LEMD3: variants seen among roughly 807,000 people sequenced by gnomAD.
LEMD3 encodes the protein LEM domain containing 3.
LEMD3 carries 33 observed loss-of-function variants against 95.2 expected under a neutral mutation model. The ratio of observed to expected loss-of-function variants is 0.35; its 90% confidence interval spans 0.26 to 0.46. LEMD3 has a LOEUF of 0.46. LEMD3 is among the 20% of genes least tolerant of loss of function. LEMD3 has a pLI of 1.00. For missense variants in LEMD3, 1,210 were observed against 1,192.8 expected (o/e 1.01, Z -0.21); for synonymous variants, 525 against 474.6 (o/e 1.11, Z -1.38).
At chr12:65,172,996 C>T (rs1266048339) in intron 1 of LEMD3, among the ~76,000 whole-genome samples, 1 of 152,094 alleles carries the variant, frequency 6.6e-6, no homozygotes, top group Non-Finnish European at 1.5e-5. Flanking sequence ...TCTAATCTTC[C>T]CAGCAACTCA....
intron 1 of LEMD3, among the ~76,000 whole-genome samples, chr12:65,185,500 G>T (rs905585775): frequency 6.6e-6 from 1 of 151,930 alleles, no homozygotes; most frequent in Non-Finnish European, 1.5e-5. Context: ...CAATACTGCT[G>T]TGATTAAAAT....
chr12:65,240,160 C>G lies in LEMD3; in HGVS notation c.2048C>G (p.Ala683Gly). 5 of 1,613,394 alleles carry G rather than the reference C, an allele frequency of 3.1e-6. No individual in the cohort carries two copies. Among genetic ancestry groups the G allele is most frequent in the Non-Finnish European group, 4.2e-6 (5 of 1,179,500 alleles). ...IIDVLRSHNEACQENKDLQPY... is the reference protein window; with the variant it reads ...IIDVLRSHNEGCQENKDLQPY... ...GATGTTTTACGAAGTCATAATGAAG[C>G]CTGCCAGGAAAACAAAGATTTACAA... The change falls in exon 8 of 13, where the codon GCC becomes GGC. Residue 683 changes from alanine (A) to glycine (G), a missense_variant. Ala to Gly is a moderately conservative substitution (Grantham distance 60). Coordinates refer to ENST00000308330, the MANE Select transcript of LEMD3 (RefSeq NM_014319.5).
At chr12:65,207,699 A>G (rs1292419390) in intron 1 of LEMD3, among the ~76,000 whole-genome samples, 1 of 152,198 alleles carries the variant, frequency 6.6e-6, no homozygotes, top group Non-Finnish European at 1.5e-5. Context: ...GTAGGAAAGC[A>G]TCCTGAATAT....
chr12:65,194,002 G>T (rs994677361), intron 1 of LEMD3, among the ~76,000 whole-genome samples: 3 of 152,256 alleles, frequency 2.0e-5, no homozygotes, highest in Non-Finnish European at 2.9e-5. Flanking sequence ...TAACTCAGAA[G>T]ACACAGCTGT....
chr12:65,177,430 G>A (rs1868757376), intron 1 of LEMD3, among the ~76,000 whole-genome samples: 1 of 152,200 alleles, frequency 6.6e-6, no homozygotes, highest in South Asian at 2.1e-4. Flanking sequence ...ATGACTGAGA[G>A]AATGATAATA....
chr12:65,224,595 TGTAAA>T (rs1279141453), intron 4 of LEMD3, among the ~76,000 whole-genome samples: 3 of 152,158 alleles, frequency 2.0e-5, no homozygotes, highest in African/African-American at 4.8e-5. Context: ...TCTCCTGCTT[TGTAAA>T]GTATTTTGGG....
rs1171389145 is a variant in LEMD3, at chr12:65,231,016, CTTGAG to C, written c.1696-7483_1696-7479del. ...TGTAGCCTTTAGAAGATTTTTTTAT[CTTGAG>C]TTATTTTATGTTTCATATTCGGTTT... is the stretch of plus-strand genomic sequence containing the variant. On this transcript the variant is annotated intron_variant, in intron 4 of 12. Coordinates refer to ENST00000308330, the MANE Select transcript of LEMD3 (RefSeq NM_014319.5). 2.6e-5 allele frequency among the ~76,000 whole-genome samples: 4 copies of C among 151,872 alleles called. No individual in the cohort carries two copies. The East Asian group carries it at 7.7e-4, about 29-fold the overall frequency.
intron 1 of LEMD3, among the ~76,000 whole-genome samples, chr12:65,192,339 A>G (rs567085039): frequency 6.6e-5 from 10 of 152,118 alleles, no homozygotes; most frequent in Non-Finnish European, 1.3e-4. Context: ...CTACATGTCT[A>G]CAGTTTTCTC....
In LEMD3 at chr12:65,170,430, C is replaced by T. The variant is rs200222837; in HGVS notation, c.834C>T (p.Asp278=). The part of the protein sequence containing the change: ...DVASSRQVLK[D]DSLSRHRPRR... ...CCTCCAGCAGACAGGTATTAAAGGA[C>T]GACTCCCTTTCCCGGCATCGGCCCA... The change falls in exon 1 of 13, where the codon GAC becomes GAT. Residue 278 remains aspartate (D), a synonymous_variant. Coordinates refer to ENST00000308330, the MANE Select transcript of LEMD3 (RefSeq NM_014319.5). 9.3e-6 allele frequency: 15 copies of T among 1,613,984 alleles called. No individual in the cohort carries two copies. In the East Asian group the frequency reaches 2.9e-4, roughly 31 times the overall value.
At chr12:65,210,873 G>C (rs913655347) in intron 1 of LEMD3, 53 bp from the exon 2 acceptor site, 18 of 1,333,198 alleles carry the variant, frequency 1.4e-5, no homozygotes, top group Non-Finnish European at 1.8e-5. Flanking sequence ...TTGTTTGGGG[G>C]ATTTTAATTC....
intron 8 of LEMD3, chr12:65,240,624 T>C: frequency 2.3e-6 from 1 of 432,884 alleles, no homozygotes; most frequent in Non-Finnish European, 4.1e-6. Context: ...ATGCAACTTT[T>C]TGAAAATAAA....
chr12:65,238,699 G>A lies in LEMD3; in HGVS notation c.1806G>A (p.Leu602=). The change falls in exon 6 of 13, where the codon TTG becomes TTA. Residue 602 remains leucine, a synonymous_variant. Coordinates refer to ENST00000308330, the MANE Select transcript of LEMD3 (RefSeq NM_014319.5). ...RCVGFGPEEE[L]TNITDVQFLQ... ...TTGGTTTTGGCCCTGAGGAAGAATT[G>A]ACAAATATAACTGATGTGCAGTTTT... 6.2e-7 allele frequency: 1 copy of A among 1,614,062 alleles called. No homozygotes were observed. The highest frequency in any genetic ancestry group is 8.5e-7 in the Non-Finnish European group (1 of 1,179,972).
At chr12:65,208,254 G>A (rs1869824613) in intron 1 of LEMD3, among the ~76,000 whole-genome samples, 1 of 152,118 alleles carries the variant, frequency 6.6e-6, no homozygotes. Context: ...TGGGAGTGTA[G>A]GGTTAAAGGA....
intron 4 of LEMD3, among the ~76,000 whole-genome samples, chr12:65,220,485 G>A (rs1371296981): frequency 6.6e-6 from 1 of 151,962 alleles, no homozygotes; most frequent in Non-Finnish European, 1.5e-5. Context: ...TCAGATATAT[G>A]GTTTGCAAAT....
In LEMD3 at chr12:65,199,344, ATATTT is replaced by A. The variant is rs573191593; in HGVS notation, c.1523-11576_1523-11572del. 2.0e-3 allele frequency among the ~76,000 whole-genome samples: 298 copies of A among 152,222 alleles called. 2 individuals are homozygous for A. The highest frequency in any genetic ancestry group is 2.8e-3 in the Non-Finnish European group (189 of 67,994). Reference sequence around the variant, plus strand: ...AATGATCTAACTTTCTAATTTAGTAATATTTTATTTAGATAAATGAAACCATGCTT... The same window carrying A: ...AATGATCTAACTTTCTAATTTAGTAATATTTAGATAAATGAAACCATGCTT... On this transcript the variant is annotated intron_variant, in intron 1 of 12. Transcript: ENST00000308330.
chr12:65,169,888 C>T lies in LEMD3; in HGVS notation c.292C>T (p.Leu98Phe), dbSNP rs571742271. 1.0e-4 allele frequency: 145 copies of T among 1,451,872 alleles called. 1 individual carries two copies. The African/African-American group carries it at 2.0e-3, about 20-fold the overall frequency. 89.9% of individuals were successfully genotyped at this position (1,451,872 alleles called of 1,614,324 possible). ...GGGGGTCCGGCCGGTCTCGGGCGAC[C>T]TCTCCTACTTACGGACTCCTGGGGG... ...GMGVRPVSGD[L>F]SYLRTPGGLC... The change falls in exon 1 of 13, where the codon CTC becomes TTC. Residue 98 changes from leucine to phenylalanine, a missense_variant. Leu to Phe is a conservative substitution (Grantham distance 22, BLOSUM62 0). Around this residue, in one of 2 missense-constraint regions of LEMD3, gnomAD observed 749 missense variants for 622.9 expected, o/e 1.20. Transcript: ENST00000308330.
At position 65,170,686 on chromosome 12, in the gene LEMD3, C is replaced by G. The variant is rs1413967716; in HGVS notation, c.1090C>G (p.Leu364Val). The G allele has an allele frequency of 1.2e-6, 2 of 1,614,208 alleles. No individual in the cohort carries two copies. The highest frequency in any genetic ancestry group is 1.7e-5 in the Admixed American group (1 of 60,030). The part of the protein sequence containing the change: ...VPRYRVNAKK[L>V]TPLLPPPLTD... ...TAGATACCGTGTTAACGCTAAGAAA[C>G]TGACCCCTCTCCTGCCCCCGCCACT... is the stretch of plus-strand genomic sequence containing the variant. Residue 364 changes from leucine (L) to valine (V), a missense_variant, in exon 1 of 13, where the codon CTG (leucine) becomes GTG (valine). By Grantham distance (32) the Leu-to-Val change is conservative (BLOSUM62 1). Coordinates refer to ENST00000308330, the MANE Select transcript of LEMD3 (RefSeq NM_014319.5).
intron 1 of LEMD3, among the ~76,000 whole-genome samples, chr12:65,176,801 A>C (rs190800305): frequency 6.8e-4 from 103 of 152,314 alleles, no homozygotes; most frequent in Middle Eastern, 6.8e-3. Context: ...GCACATGGAA[A>C]TCTCTTAGTA....
At chr12:65,208,577 T>C (rs767778522) in intron 1 of LEMD3, among the ~76,000 whole-genome samples, 13 of 152,118 alleles carry the variant, frequency 8.5e-5, no homozygotes, top group African/African-American at 3.1e-4. Context: ...ATAGAAGATA[T>C]TGGTGTGTTT....
Sources: allele counts gnomAD v4.1 joint callset (sites outside exome capture counted in the v4.1 genomes callset), GRCh38; gene constraint gnomAD v4.1.1; regional missense constraint gnomAD v4.1.1; transcripts MANE v1.5; gene names NCBI Gene and HGNC (gene_info 2026-07-23, HGNC 2026-07-21).